CCDC180: variants seen among roughly 807,000 people sequenced by gnomAD.
The protein encoded by CCDC180 is coiled-coil domain-containing protein 180.
Under a neutral mutation model 209.2 loss-of-function variants are expected in CCDC180, and 154 were observed. That is an observed-to-expected ratio of 0.74 (90% CI 0.65 to 0.84). CCDC180 has a LOEUF of 0.84. Among genes scored for constraint, CCDC180 ranks in the 40% least tolerant of loss-of-function variants. The pLI, the probability that CCDC180 is intolerant of heterozygous loss-of-function variation, is 0.00. For synonymous variants in CCDC180, 778 were observed against 749.1 expected, an observed-to-expected ratio of 1.04 and a Z score of -0.63; for missense variants, 1,874 against 1,997.3, an observed-to-expected ratio of 0.94 and a Z score of 1.18.
At chr9:97,320,345 G>T in intron 11 of CCDC180, 140 bp downstream of exon 11, 1 of 743,000 alleles carries the variant, frequency 1.3e-6, no homozygotes, top group Non-Finnish European at 2.3e-6. Flanking sequence ...GAGCTCTGAG[G>T]GCTCAAAAGG....
intron 19 of CCDC180, among the ~76,000 whole-genome samples, chr9:97,344,381 T>G (rs1056929410): frequency 9.2e-5 from 14 of 152,222 alleles, no homozygotes; most frequent in African/African-American, 2.9e-4. Flanking sequence ...GCATCTCACC[T>G]TGGAAATGTC....
intron 29 of CCDC180, 86 bp from the exon 30 acceptor site, chr9:97,365,587 A>C: frequency 8.2e-7 from 1 of 1,216,526 alleles, no homozygotes; most frequent in South Asian, 1.2e-5. Context: ...AAAACAGAGC[A>C]CTTGGAAAGT....
chr9:97,355,551 CA>C (rs1479471984), intron 24 of CCDC180, among the ~76,000 whole-genome samples: 1 of 152,210 alleles, frequency 6.6e-6, no homozygotes, highest in East Asian at 1.9e-4. Context: ...TTAGTCCTCA[CA>C]AGAACTATAG....
intron 34 of CCDC180, 37 bp downstream of exon 34, chr9:97,371,743 G>A: frequency 7.0e-7 from 1 of 1,437,614 alleles, no homozygotes; most frequent in Non-Finnish European, 9.7e-7. Flanking sequence ...ATGGCCCTGG[G>A]GGGCTGGTGA....
Position 97,326,650 on chromosome 9 carries a change from C to A in CCDC180, c.1642C>A (p.Leu548Met), listed in dbSNP as rs749706327. The part of the protein sequence containing the change: ...AFHLEKVKDY[L>M]KNMKSRYECF... ...TCACCTGGAAAAGGTCAAAGATTAT[C>A]TGAAGAACATGAAATCCAGGTAGGC... Residue 548 changes from leucine (L) to methionine (M), a missense_variant, in exon 15 of 37, where the codon CTG becomes ATG. Coordinates refer to ENST00000529487, the MANE Select transcript of CCDC180 (RefSeq NM_020893.6). 6.2e-7 allele frequency: 1 copy of A among 1,610,438 alleles called. No homozygotes were observed. The highest frequency in any genetic ancestry group is 1.1e-5 in the South Asian group (1 of 91,000).
At chr9:97,330,066 CAAAAAAAAAAAA>C (rs34372293) in intron 16 of CCDC180, 76 bp from the exon 17 acceptor site, 20 of 582,066 alleles carry the variant, frequency 3.4e-5, no homozygotes, top group Non-Finnish European at 5.2e-5. Flanking sequence ...AGACTCCTCT[CAAAAAAAAAAAA>C]AAAAAAAAAA....
intron 27 of CCDC180, 90 bp downstream of exon 27, chr9:97,361,988 G>A: frequency 6.8e-7 from 1 of 1,463,994 alleles, no homozygotes; most frequent in Non-Finnish European, 9.2e-7. Context: ...CCACACACTG[G>A]GGTTCCCACG....
chr9:97,320,033 T>G, intron 10 of CCDC180, 93 bp from the exon 11 acceptor site: 2 of 964,162 alleles, frequency 2.1e-6, no homozygotes, highest in South Asian at 2.6e-5. Context: ...AAATCCATGA[T>G]TTTCTGGAGC....
chr9:97,339,060 G>A (rs1189813783), intron 18 of CCDC180, among the ~76,000 whole-genome samples: 5 of 151,752 alleles, frequency 3.3e-5, no homozygotes, highest in East Asian at 3.9e-4. Flanking sequence ...GTCTCTGCAC[G>A]TGAGATAGGT....
chr9:97,357,572 C>T, intron 24 of CCDC180, 55 bp from the exon 25 acceptor site: 3 of 1,176,204 alleles, frequency 2.6e-6, no homozygotes, highest in Non-Finnish European at 2.5e-6. Flanking sequence ...CAGAATGTTT[C>T]CCAGATCACA....
chr9:97,374,292 T>C, intron 34 of CCDC180: 1 of 462,034 alleles, frequency 2.2e-6, no homozygotes, highest in Admixed American at 3.8e-5. Flanking sequence ...GCATCAGGCT[T>C]GGGTTTGGAG....
intron 18 of CCDC180, among the ~76,000 whole-genome samples, chr9:97,337,294 G>A (rs1300113832): frequency 1.3e-5 from 2 of 152,218 alleles, no homozygotes; most frequent in Non-Finnish European, 2.9e-5. Context: ...GATACTGGCT[G>A]TGGGTTTGTC....
At position 97,330,630 on chromosome 9, in the gene CCDC180, G is replaced by A. The variant is rs1825710977; in HGVS notation, c.2137G>A (p.Val713Met). 3.1e-6 allele frequency: 5 copies of A among 1,613,630 alleles called. No homozygotes were observed. The highest frequency in any genetic ancestry group is 4.2e-6 in the Non-Finnish European group (5 of 1,179,788). ...SLNPSLNEEN[V>M]KGQGEKKEES... ...AAACCCATCCCTGAATGAGGAGAAT[G>A]TGAAGGGTCAAGGAGAAAAGAAGGA... The change falls in exon 18 of 37, where the codon GTG becomes ATG. Residue 713 changes from valine (V) to methionine (M), a missense_variant. Val to Met is a conservative substitution (Grantham distance 21). Transcript: ENST00000529487.
intron 20 of CCDC180, chr9:97,347,719 C>A: frequency 2.0e-6 from 1 of 501,404 alleles, no homozygotes; most frequent in Non-Finnish European, 3.5e-6. Flanking sequence ...ATTTTTTTTT[C>A]AAGAGGGTGT....
In CCDC180 at chr9:97,313,335, AG is replaced by A; in HGVS notation, c.451del (p.Val151TrpfsTer17). The A allele has an allele frequency of 6.2e-7, 1 of 1,608,448 alleles. No individual in the cohort carries two copies. Among genetic ancestry groups the A allele is most frequent in the Non-Finnish European group, 8.5e-7 (1 of 1,175,610 alleles). On this transcript the variant is annotated frameshift_variant, in exon 5 of 37. Coordinates refer to ENST00000529487, the MANE Select transcript of CCDC180 (RefSeq NM_020893.6). LOFTEE classifies it high-confidence loss of function. ...ALASFQEEIA[Q>X]VGKEMEPLIV... ...GCCAGCTTTCAGGAGGAGATTGCGC[AG>A]GTGGGAAAGGTGAGAATCCTCCCTC...
At chr9:97,374,694 C>A in intron 35 of CCDC180, 46 bp downstream of exon 35, 1 of 1,481,608 alleles carries the variant, frequency 6.7e-7, no homozygotes, top group Non-Finnish European at 9.4e-7. Flanking sequence ...GCTGTATCTG[C>A]TGGGGGTGGT....
intron 10 of CCDC180, among the ~76,000 whole-genome samples, chr9:97,318,872 A>G (rs545266146): frequency 1.2e-3 from 185 of 152,290 alleles, no homozygotes; most frequent in African/African-American, 4.2e-3. Flanking sequence ...AACTGTGGCC[A>G]GGTGGAGGGA....
chr9:97,348,886 C>T (rs147169031), intron 20 of CCDC180, among the ~76,000 whole-genome samples: 20 of 152,290 alleles, frequency 1.3e-4, no homozygotes, highest in African/African-American at 3.6e-4. Context: ...CCCTCTGCTC[C>T]GGGCAGGGTG....
chr9:97,318,440 G>A, intron 9 of CCDC180, 23 bp from the exon 10 acceptor site: 2 of 1,612,190 alleles, frequency 1.2e-6, no homozygotes, highest in African/African-American at 1.3e-5. Context: ...CCCCTTTATG[G>A]TGCCAACATG....
Sources: gnomAD v4.1 joint callset for allele counts (sites outside exome capture counted in the v4.1 genomes callset) on GRCh38, gnomAD v4.1.1 for gene constraint, MANE v1.5 for transcripts, NCBI Gene and HGNC (gene_info 2026-07-23, HGNC 2026-07-21) for gene names.